Variants in SYNDIG1 observed in about 807,000 individuals in gnomAD.
The protein encoded by SYNDIG1 is synapse differentiation inducing 1.
SYNDIG1 carries 9 observed loss-of-function variants against 19.4 expected under a neutral mutation model. The observed-to-expected ratio is 0.46, with a 90% CI of 0.28 to 0.81. The LOEUF is 0.81. Among genes scored for constraint, SYNDIG1 ranks in the 30% least tolerant of loss-of-function variants. SYNDIG1 has a pLI of 0.12. For missense variants in SYNDIG1, 311 were observed against 343.3 expected, an observed-to-expected ratio of 0.91 and a Z score of 0.74; for synonymous variants, 141 against 145.9, an observed-to-expected ratio of 0.97 and a Z score of 0.24.
rs867331044 is a variant in SYNDIG1, at chr20:24,518,097, C to G, written c.-78-24923C>G. 5.9e-5 allele frequency among the ~76,000 whole-genome samples: 9 copies of G among 152,024 alleles called. No individual in the cohort carries two copies. The South Asian group carries it at 1.2e-3, about 21-fold the overall frequency. On this transcript the variant is annotated intron_variant, in intron 1 of 3. Transcript: ENST00000376862. ...CTGTTTTTTAGGACTTTGAGGCTCA[C>G]TTTCATTGAAGCCCACTAGCCAAAG...
At chr20:24,485,904 G>C (rs756559279) in intron 1 of SYNDIG1, among the ~76,000 whole-genome samples, 10 of 152,214 alleles carry the variant, frequency 6.6e-5, no homozygotes, top group Non-Finnish European at 7.3e-5. Flanking sequence ...CAAGAAGTGA[G>C]AAAGGTGGAC....
chr20:24,611,710 A>T (rs79581014), intron 3 of SYNDIG1, among the ~76,000 whole-genome samples: 29,411 of 152,088 alleles, frequency 0.19, 3,770 homozygotes, highest in Admixed American at 0.35. Context: ...TTCCACAGGA[A>T]ATGGGCCAGG....
intron 1 of SYNDIG1, among the ~76,000 whole-genome samples, chr20:24,479,022 G>C (rs1482405602): frequency 6.6e-6 from 1 of 152,248 alleles, no homozygotes; most frequent in Non-Finnish European, 1.5e-5. Context: ...ACACTGCCCA[G>C]AAATGCTGAT....
At chr20:24,483,506 T>G (rs1316073156) in intron 1 of SYNDIG1, among the ~76,000 whole-genome samples, 1 of 152,222 alleles carries the variant, frequency 6.6e-6, no homozygotes, top group East Asian at 1.9e-4. Context: ...CTAGCACACA[T>G]TATGTGCTCA....
At chr20:24,568,418 G>A (rs1465824876) in intron 2 of SYNDIG1, among the ~76,000 whole-genome samples, 1 of 152,180 alleles carries the variant, frequency 6.6e-6, no homozygotes, top group Non-Finnish European at 1.5e-5. Context: ...GTGGAGAGGT[G>A]TGAGAATATC....
At chr20:24,522,267 T>C (rs947674925) in intron 1 of SYNDIG1, among the ~76,000 whole-genome samples, 2 of 152,024 alleles carry the variant, frequency 1.3e-5, no homozygotes, top group African/African-American at 4.8e-5. Flanking sequence ...CTTTAAAAAT[T>C]TTTTGTAGAG....
At chr20:24,621,978 A>G (rs926786788) in intron 3 of SYNDIG1, among the ~76,000 whole-genome samples, 1 of 152,224 alleles carries the variant, frequency 6.6e-6, no homozygotes. Context: ...GCTCTATACC[A>G]TATGTCTATA....
At chr20:24,528,430 A>G (rs922345250) in intron 1 of SYNDIG1, among the ~76,000 whole-genome samples, 15 of 152,182 alleles carry the variant, frequency 9.9e-5, no homozygotes, top group African/African-American at 2.7e-4. Flanking sequence ...TAATTTATCA[A>G]TAATAGAAAT....
chr20:24,590,247 G>T (rs1344281018), intron 3 of SYNDIG1, among the ~76,000 whole-genome samples: 2 of 152,078 alleles, frequency 1.3e-5, no homozygotes, highest in East Asian at 1.9e-4. Context: ...CCGAGGCCCT[G>T]GGGGGAGCAC....
At chr20:24,628,135 G>C (rs1485940416) in intron 3 of SYNDIG1, among the ~76,000 whole-genome samples, 1 of 152,204 alleles carries the variant, frequency 6.6e-6, no homozygotes, top group Non-Finnish European at 1.5e-5. Flanking sequence ...TCCCCTGCAT[G>C]CTCAGCCCCC....
At chr20:24,593,595 T>G (rs1246752724) in intron 3 of SYNDIG1, among the ~76,000 whole-genome samples, 2 of 152,202 alleles carry the variant, frequency 1.3e-5, no homozygotes, top group Non-Finnish European at 2.9e-5. Context: ...CTCTTTTAAG[T>G]TAGTTGAGAA....
At chr20:24,625,281 A>C (rs1023110033) in intron 3 of SYNDIG1, among the ~76,000 whole-genome samples, 4 of 152,200 alleles carry the variant, frequency 2.6e-5, no homozygotes, top group Non-Finnish European at 2.9e-5. Flanking sequence ...GAAGAAATCA[A>C]CACAATTAAT....
chr20:24,655,093 G>A (rs1002975004), intron 3 of SYNDIG1, among the ~76,000 whole-genome samples: 6 of 152,208 alleles, frequency 3.9e-5, no homozygotes, highest in African/African-American at 1.2e-4. Flanking sequence ...AACGTCAAAG[G>A]GAAGCAAAAC....
intron 1 of SYNDIG1, among the ~76,000 whole-genome samples, chr20:24,486,670 G>GT (rs1466857136): frequency 3.5e-4 from 50 of 141,406 alleles, no homozygotes; most frequent in African/African-American, 1.0e-3. Flanking sequence ...TTTTTTTTTT[G>GT]TTTTTTTGTG....
chr20:24,586,015 G>A (rs372047401), intron 3 of SYNDIG1, among the ~76,000 whole-genome samples: 21 of 152,332 alleles, frequency 1.4e-4, no homozygotes, highest in East Asian at 9.7e-4. Context: ...GTATTGGTTG[G>A]GTTTGTTGGA....
intron 2 of SYNDIG1, among the ~76,000 whole-genome samples, chr20:24,549,889 T>C (rs1168905856): frequency 6.6e-6 from 1 of 152,184 alleles, no homozygotes; most frequent in East Asian, 1.9e-4. Flanking sequence ...GCTGGACTCC[T>C]CTCTGACCAT....
At chr20:24,599,785 C>A (rs903055419) in intron 3 of SYNDIG1, among the ~76,000 whole-genome samples, 1 of 152,154 alleles carries the variant, frequency 6.6e-6, no homozygotes, top group African/African-American at 2.4e-5. Flanking sequence ...AAAGTCTGAT[C>A]ACATGGAGAT....
chr20:24,520,579 G>C lies in SYNDIG1; in HGVS notation c.-78-22441G>C, dbSNP rs192375543. On this transcript the variant is annotated intron_variant, in intron 1 of 3. Coordinates refer to ENST00000376862, the MANE Select transcript of SYNDIG1 (RefSeq NM_024893.3). The stretch of plus-strand genomic sequence containing the variant: ...GTTGTGGTGTGCGCCTGTAATCCCA[G>C]CTGCTCAGGAGGCTGAGGCAGGAGA... Among the ~76,000 whole-genome samples the C allele has an allele frequency of 2.2e-4, 34 of 152,108 alleles. No individual in the cohort carries two copies. The East Asian group carries it at 6.4e-3, about 29-fold the overall frequency.
intron 3 of SYNDIG1, 47 bp downstream of exon 3, chr20:24,585,040 G>T: frequency 7.0e-7 from 1 of 1,430,344 alleles, no homozygotes; most frequent in East Asian, 2.5e-5. Context: ...GTGTTCACAG[G>T]GTGGGGGTGG....
Sources: gnomAD v4.1 joint callset for allele counts (sites outside exome capture counted in the v4.1 genomes callset) on GRCh38, gnomAD v4.1.1 for gene constraint, MANE v1.5 for transcripts, NCBI Gene and HGNC (gene_info 2026-07-23, HGNC 2026-07-21) for gene names.